The following ZNF333 variants were observed in gnomAD, a reference collection of about 807,000 sequenced individuals.
The protein encoded by ZNF333 is zinc finger protein 333.
In ZNF333, 61 loss-of-function variants were observed where a neutral mutation model predicts 76.1. The ratio of observed to expected loss-of-function variants is 0.80; its 90% CI spans 0.65 to 0.99. The LOEUF (loss-of-function observed/expected upper bound fraction) is 0.99. Among genes scored for constraint, ZNF333 ranks in the 50% least tolerant of loss-of-function variants. The pLI, the probability that ZNF333 is intolerant of heterozygous loss-of-function variation, is 0.00. For synonymous variants in ZNF333, 284 were observed against 305.0 expected, an observed-to-expected ratio of 0.93 and a Z score of 0.72; for missense variants, 717 against 822.4, an observed-to-expected ratio of 0.87 and a Z score of 1.57.
In ZNF333 at chr19:14,718,820, G is replaced by A. The variant is rs140048300; in HGVS notation, c.1493G>A (p.Arg498Gln). 17 of 1,614,024 alleles carry A rather than the reference G, an allele frequency of 1.1e-5. No homozygotes were observed. Among genetic ancestry groups the A allele is most frequent in the South Asian group, 2.2e-5 (2 of 91,082 alleles). The part of the protein sequence containing the change: ...REHSSLKTHL[R>Q]THTREKPYEC... ...CACTCTTCACTGAAGACACATCTGC[G>A]AACCCATACCAGAGAGAAACCATAT... The change falls in exon 12 of 12, where the codon CGA becomes CAA. Residue 498 changes from arginine (R) to glutamine (Q), a missense_variant. Coordinates refer to ENST00000292530, the MANE Select transcript of ZNF333 (RefSeq NM_032433.4).
At chr19:14,727,724 G>A (rs548358005) in intron 11 of ZNF333, among the ~76,000 whole-genome samples, 22 of 151,708 alleles carry the variant, frequency 1.5e-4, no homozygotes, top group African/African-American at 5.1e-4. Flanking sequence ...CCAAATATCT[G>A]AGGCAGTGAT....
intron 5 of ZNF333, among the ~76,000 whole-genome samples, chr19:14,700,643 G>T (rs186900792): frequency 6.6e-6 from 1 of 152,006 alleles, no homozygotes; most frequent in Non-Finnish European, 1.5e-5. Context: ...AATTTCCTCC[G>T]CCTCAAACAA....
chr19:14,694,083 G>C (rs545511614), intron 2 of ZNF333, among the ~76,000 whole-genome samples: 75 of 152,000 alleles, frequency 4.9e-4, no homozygotes, highest in African/African-American at 1.6e-3. Flanking sequence ...TGTGCTGGTA[G>C]CCCCTTTCTG....
At chr19:14,711,215 G>A (rs11670629) in intron 7 of ZNF333, among the ~76,000 whole-genome samples, 84,416 of 151,700 alleles carry the variant, frequency 0.56, 23,846 homozygotes, top group East Asian at 0.76. Context: ...AACATAAACT[G>A]CATTGTTTGT....
chr19:14,691,291 A>G (rs561804967), intron 1 of ZNF333, among the ~76,000 whole-genome samples: 2 of 152,340 alleles, frequency 1.3e-5, no homozygotes, highest in Admixed American at 6.5e-5. Context: ...GATCTTTTCA[A>G]GTTGGCTCCA....
At chr19:14,692,330 G>A (rs1246020827) in intron 1 of ZNF333, among the ~76,000 whole-genome samples, 1 of 152,128 alleles carries the variant, frequency 6.6e-6, no homozygotes, top group Non-Finnish European at 1.5e-5. Context: ...GTGGGGTAGC[G>A]GAGGAAACTT....
intron 4 of ZNF333, among the ~76,000 whole-genome samples, 181 bp from the exon 5 acceptor site, chr19:14,699,018 A>G (rs1973483189): frequency 6.6e-6 from 1 of 150,916 alleles, no homozygotes; most frequent in Non-Finnish European, 1.5e-5. Flanking sequence ...CAGACTGGAA[A>G]TCTCAACTTG....
intron 10 of ZNF333, 154 bp from the exon 11 acceptor site, chr19:14,717,503 T>C (rs948325622): frequency 2.5e-5 from 16 of 630,604 alleles, no homozygotes; most frequent in Non-Finnish European, 4.2e-5. Flanking sequence ...CCTTAACTTT[T>C]AGATGCATTC....
Position 14,714,526 on chromosome 19 carries a change from G to A in ZNF333, c.512-856G>A, listed in dbSNP as rs537355305. Among the ~76,000 whole-genome samples, 8 of 152,226 alleles carry A rather than the reference G, an allele frequency of 5.3e-5. No homozygotes were observed. In the South Asian group the frequency reaches 1.5e-3, roughly 28 times the overall value. On this transcript the variant is annotated intron_variant, in intron 7 of 11. Transcript: ENST00000292530. ...TGCTGAGCTTAACTTTGGACTCCTC[G>A]TCTCTAAAACTGCGAGAGGATACAT...
At position 14,714,118 on chromosome 19, in the gene ZNF333, A is replaced by G. The variant is rs143445041; in HGVS notation, c.512-1264A>G. On this transcript the variant is annotated intron_variant, in intron 7 of 11. Transcript: ENST00000292530. Reference sequence around the variant, plus strand: ...AGGGGAGGAAGTGGGCACAGAGGGTAGATAGCCCATGATAGGGAATGAAGA... The same window carrying G: ...AGGGGAGGAAGTGGGCACAGAGGGTGGATAGCCCATGATAGGGAATGAAGA... 5.6e-3 allele frequency among the ~76,000 whole-genome samples: 857 copies of G among 152,256 alleles called. 5 individuals are homozygous for G. Among genetic ancestry groups the G allele is most frequent in the Middle Eastern group, 0.01 (3 of 294 alleles).
chr19:14,706,380 A>C, intron 6 of ZNF333: 1 of 414,118 alleles, frequency 2.4e-6, no homozygotes, highest in Non-Finnish European at 4.5e-6. Flanking sequence ...TCCACCCCTC[A>C]ACCTCCTGGC....
chr19:14,711,367 A>C (rs1243848629), intron 7 of ZNF333, among the ~76,000 whole-genome samples: 1 of 152,172 alleles, frequency 6.6e-6, no homozygotes, highest in Non-Finnish European at 1.5e-5. Context: ...TGCTGGGTTA[A>C]CGCCTTTCTG....
At chr19:14,698,070 A>T (rs1243922910) in intron 4 of ZNF333, among the ~76,000 whole-genome samples, 1 of 152,076 alleles carries the variant, frequency 6.6e-6, no homozygotes, top group Non-Finnish European at 1.5e-5. Context: ...CCCTTTCAGG[A>T]TCTTCCCAAG....
chr19:14,711,072 G>C (rs1198173519), intron 7 of ZNF333, among the ~76,000 whole-genome samples: 2 of 152,176 alleles, frequency 1.3e-5, no homozygotes, highest in Admixed American at 1.3e-4. Context: ...CTCTGAGGGA[G>C]AGCGTTAATC....
At chr19:14,695,725 G>C in intron 4 of ZNF333, 64 bp downstream of exon 4, 1 of 1,457,924 alleles carries the variant, frequency 6.9e-7, no homozygotes, top group Non-Finnish European at 9.6e-7. Context: ...CTTGGGAAGT[G>C]TCAAGAGCAT....
Position 14,695,596 on chromosome 19 carries a change from C to T in ZNF333, c.158C>T (p.Ser53Phe). 3 of 1,614,152 alleles carry T rather than the reference C, an allele frequency of 1.9e-6. No individual in the cohort carries two copies. The highest frequency in any genetic ancestry group is 2.5e-6 in the Non-Finnish European group (3 of 1,180,036). ...CCACCATGCAAACCCAGTTGTGTCT[C>T]CCAGCTGGGGCAAAGAGCAGAGCCA... ...GTPPCKPSCV[S>F]QLGQRAEPKA... Residue 53 changes from serine to phenylalanine, a missense_variant, in exon 4 of 12, where the codon TCC becomes TTC. Physicochemically the swap from Ser to Phe is radical, Grantham distance 155. Coordinates refer to ENST00000292530, the MANE Select transcript of ZNF333 (RefSeq NM_032433.4).
At chr19:14,697,177 T>C (rs1181992521) in intron 4 of ZNF333, among the ~76,000 whole-genome samples, 1 of 152,164 alleles carries the variant, frequency 6.6e-6, no homozygotes, top group Non-Finnish European at 1.5e-5. Flanking sequence ...GATCCATCCA[T>C]GTTGTAGCAT....
chr19:14,691,914 T>G (rs959229534), intron 1 of ZNF333, among the ~76,000 whole-genome samples: 2 of 152,134 alleles, frequency 1.3e-5, no homozygotes, highest in African/African-American at 4.8e-5. Context: ...TGACCTCAGG[T>G]GATCCACCCG....
downstream of ZNF333, among the ~76,000 whole-genome samples, chr19:14,726,026 G>A (rs1599764806): frequency 6.6e-6 from 1 of 152,172 alleles, no homozygotes; most frequent in African/African-American, 2.4e-5. Context: ...CCTGGGCACC[G>A]TGGCTTTTCC....
Sources: gnomAD v4.1 joint callset for allele counts (sites outside exome capture counted in the v4.1 genomes callset) on GRCh38, gnomAD v4.1.1 for gene constraint, MANE v1.5 for transcripts, NCBI Gene and HGNC (gene_info 2026-07-23, HGNC 2026-07-21) for gene names.